Variants in LRRTM4 observed in about 807,000 individuals in gnomAD.
The protein encoded by LRRTM4 is leucine rich repeat transmembrane neuronal 4.
Under a neutral mutation model 47.6 loss-of-function variants are expected in LRRTM4, and 25 were observed. The observed-to-expected ratio is 0.53, with a 90% CI of 0.38 to 0.73. The LOEUF (loss-of-function observed/expected upper bound fraction) is 0.73, where lower values mean the gene tolerates loss of function less well. Among genes scored for constraint, LRRTM4 ranks in the 30% least tolerant of loss-of-function variants. The pLI, the probability that LRRTM4 is intolerant of heterozygous loss-of-function variation, is 0.00. For synonymous variants in LRRTM4, 311 were observed against 269.5 expected (o/e 1.15, Z -1.51); for missense variants, 638 against 713.4 (o/e 0.89, Z 1.20).
At chr2:77,123,586 G>C (rs1041299043) in intron 3 of LRRTM4, among the ~76,000 whole-genome samples, 3 of 151,960 alleles carry the variant, frequency 2.0e-5, no homozygotes, top group Non-Finnish European at 4.4e-5. Flanking sequence ...TTAACACAGA[G>C]AGAAAGAAGG....
chr2:76,759,421 G>C (rs1207753068), intron 3 of LRRTM4, among the ~76,000 whole-genome samples: 1 of 152,046 alleles, frequency 6.6e-6, no homozygotes. Context: ...TACTATTCAG[G>C]TCATTTAGAT....
At chr2:76,829,499 C>T (rs1671274776) in intron 3 of LRRTM4, among the ~76,000 whole-genome samples, 1 of 151,150 alleles carries the variant, frequency 6.6e-6, no homozygotes, top group Non-Finnish European at 1.5e-5. Context: ...TAATCTGCAC[C>T]ACATCTAATC....
chr2:77,138,534 T>G (rs116027854), intron 3 of LRRTM4, among the ~76,000 whole-genome samples: 21 of 152,118 alleles, frequency 1.4e-4, no homozygotes, highest in African/African-American at 4.6e-4. Flanking sequence ...CATCTAAAAT[T>G]GACAACTTAA....
At chr2:77,249,958 C>T (rs574139015) in intron 3 of LRRTM4, among the ~76,000 whole-genome samples, 2 of 152,198 alleles carry the variant, frequency 1.3e-5, no homozygotes, top group South Asian at 4.1e-4. Context: ...AAACTATGGT[C>T]CATCTATATA....
At chr2:77,474,978 A>G (rs1412164346) in intron 3 of LRRTM4, among the ~76,000 whole-genome samples, 1 of 152,120 alleles carries the variant, frequency 6.6e-6, no homozygotes, top group Non-Finnish European at 1.5e-5. Context: ...CCACATGTCC[A>G]AACTCCACTT....
intron 3 of LRRTM4, among the ~76,000 whole-genome samples, chr2:76,875,023 C>A (rs1227734472): frequency 6.6e-6 from 1 of 151,950 alleles, no homozygotes; most frequent in Non-Finnish European, 1.5e-5. Context: ...ATCTGTTTTA[C>A]TATGGGGGTG....
At chr2:76,795,874 C>T (rs746876831) in intron 3 of LRRTM4, among the ~76,000 whole-genome samples, 18 of 152,022 alleles carry the variant, frequency 1.2e-4, no homozygotes, top group East Asian at 3.9e-4. Flanking sequence ...ACGCAGAAGA[C>T]GGGTGATTTC....
chr2:76,949,565 G>T (rs1424146281), intron 3 of LRRTM4, among the ~76,000 whole-genome samples: 1 of 151,850 alleles, frequency 6.6e-6, no homozygotes, highest in Non-Finnish European at 1.5e-5. Flanking sequence ...GTTGAAGGTG[G>T]CATGAAAAAC....
At chr2:76,912,990 T>C (rs1674122733) in intron 3 of LRRTM4, among the ~76,000 whole-genome samples, 1 of 152,210 alleles carries the variant, frequency 6.6e-6, no homozygotes, top group Non-Finnish European at 1.5e-5. Context: ...CAAGGATTTC[T>C]TTATAGTAGG....
intron 3 of LRRTM4, among the ~76,000 whole-genome samples, chr2:77,042,636 T>C (rs1209908057): frequency 6.7e-6 from 1 of 149,406 alleles, no homozygotes; most frequent in East Asian, 2.0e-4. Context: ...AAAATCTTTA[T>C]ATAAAGTAAA....
At chr2:76,763,127 C>G (rs1204312322) in intron 3 of LRRTM4, among the ~76,000 whole-genome samples, 1 of 152,086 alleles carries the variant, frequency 6.6e-6, no homozygotes, top group Non-Finnish European at 1.5e-5. Context: ...ACACATTGAA[C>G]ATAAAAGGTG....
chr2:77,010,395 C>G (rs1008631890), intron 3 of LRRTM4, among the ~76,000 whole-genome samples: 1 of 151,604 alleles, frequency 6.6e-6, no homozygotes, highest in African/African-American at 2.4e-5. Context: ...ATTTGTTTTT[C>G]TGTGCCTGGC....
intron 3 of LRRTM4, among the ~76,000 whole-genome samples, chr2:77,156,696 T>A (rs1157016392): frequency 6.6e-6 from 1 of 150,808 alleles, no homozygotes; most frequent in African/African-American, 2.4e-5. Flanking sequence ...AAAGATACAA[T>A]GAGCCTTCAA....
intron 3 of LRRTM4, among the ~76,000 whole-genome samples, chr2:77,489,228 C>A (rs1558767361): frequency 6.6e-6 from 1 of 152,080 alleles, no homozygotes; most frequent in African/African-American, 2.4e-5. Context: ...TCTGTCTGAA[C>A]CTGTGAAAAT....
chr2:76,811,634 A>G (rs1240333110), intron 3 of LRRTM4, among the ~76,000 whole-genome samples: 5 of 152,188 alleles, frequency 3.3e-5, no homozygotes, highest in Non-Finnish European at 7.4e-5. Context: ...TGTAAAATGC[A>G]AGGGTTAGCA....
chr2:77,043,264 AGT>A (rs1679097548), intron 3 of LRRTM4, among the ~76,000 whole-genome samples: 3 of 151,758 alleles, frequency 2.0e-5, no homozygotes, highest in Non-Finnish European at 4.4e-5. Context: ...TCAAGTTTGG[AGT>A]TAATGTTCCA....
intron 3 of LRRTM4, among the ~76,000 whole-genome samples, chr2:76,801,137 A>G (rs1333728992): frequency 7.9e-5 from 12 of 152,118 alleles, no homozygotes; most frequent in Non-Finnish European, 1.0e-4. Context: ...TGGAAATACC[A>G]TTTGACCCAG....
chr2:77,440,185 C>T (rs1270172412), intron 3 of LRRTM4, among the ~76,000 whole-genome samples: 2 of 152,090 alleles, frequency 1.3e-5, no homozygotes, highest in Non-Finnish European at 2.9e-5. Context: ...GAGGCCGAGG[C>T]GGGCAGATCA....
At chr2:77,273,059 A>T (rs1273731228) in intron 3 of LRRTM4, among the ~76,000 whole-genome samples, 1 of 152,184 alleles carries the variant, frequency 6.6e-6, no homozygotes, top group African/African-American at 2.4e-5. Flanking sequence ...GTGGCATAAC[A>T]AATTATAATG....
Sources: allele counts gnomAD v4.1 joint callset (sites outside exome capture counted in the v4.1 genomes callset), GRCh38; gene constraint gnomAD v4.1.1; transcripts MANE v1.5; gene names NCBI Gene and HGNC (gene_info 2026-07-23, HGNC 2026-07-21).